Variants in LYN observed in about 807,000 individuals in gnomAD.
LYN encodes LYN proto-oncogene, Src family tyrosine kinase, also known as tyrosine-protein kinase Lyn.
In LYN, 12 loss-of-function variants were observed where a neutral mutation model predicts 65.0. The ratio of observed to expected loss-of-function variants is 0.18; its 90% CI spans 0.12 to 0.30. The LOEUF (loss-of-function observed/expected upper bound fraction) is 0.30, where lower values mean the gene tolerates loss of function less well. Ranked by LOEUF, LYN falls within the 10% of genes least tolerant of loss-of-function variation. The pLI, the probability that LYN is intolerant of heterozygous loss-of-function variation, is 1.00. For missense variants in LYN, 380 were observed against 623.2 expected (o/e 0.61, Z 4.16); for synonymous variants, 222 against 221.2 (o/e 1.00, Z -0.03).
chr8:55,939,323 C>A (rs1332885146), intron 1 of LYN, among the ~76,000 whole-genome samples: 1 of 152,114 alleles, frequency 6.6e-6, no homozygotes, highest in Non-Finnish European at 1.5e-5. Context: ...TGCATACATT[C>A]GATGTTAAAT....
chr8:55,882,083 T>TA (rs1804666711), intron 1 of LYN, among the ~76,000 whole-genome samples: 2 of 152,184 alleles, frequency 1.3e-5, no homozygotes, highest in Admixed American at 1.3e-4. Context: ...AGCACTGAGT[T>TA]ACCCACATTT....
intron 8 of LYN, among the ~76,000 whole-genome samples, chr8:55,965,325 T>C (rs1384584673): frequency 6.6e-6 from 1 of 152,068 alleles, no homozygotes; most frequent in Non-Finnish European, 1.5e-5. Context: ...TGCAGGCTTT[T>C]CCCCTGAAGG....
intron 1 of LYN, among the ~76,000 whole-genome samples, chr8:55,937,819 C>T (rs1806479332): frequency 6.6e-6 from 1 of 152,184 alleles, no homozygotes; most frequent in Non-Finnish European, 1.5e-5. Flanking sequence ...CCTCAGGCTC[C>T]TGAGAAGCTG....
intron 12 of LYN, among the ~76,000 whole-genome samples, chr8:56,003,964 C>T (rs1428211434): frequency 2.6e-5 from 3 of 113,650 alleles, no homozygotes; most frequent in African/African-American, 9.6e-5. Flanking sequence ...TGGAGTTTCA[C>T]TCTTGTTGCC....
At chr8:55,998,225 A>T in intron 10 of LYN, 121 bp from the exon 11 acceptor site, 1 of 672,484 alleles carries the variant, frequency 1.5e-6, no homozygotes, top group Non-Finnish European at 2.5e-6. Flanking sequence ...TTAAAAGCTG[A>T]ATGATCAAAA....
At chr8:55,919,988 A>G (rs73682127) in intron 1 of LYN, among the ~76,000 whole-genome samples, 5,595 of 152,322 alleles carry the variant, frequency 0.037, 103 homozygotes, top group African/African-American at 0.051. Context: ...ACATGGCTTG[A>G]GGCTGAAAAA....
chr8:55,961,409 C>T (rs1807269162), intron 8 of LYN, among the ~76,000 whole-genome samples: 1 of 152,090 alleles, frequency 6.6e-6, no homozygotes, highest in Non-Finnish European at 1.5e-5. Context: ...ATGATTTGAT[C>T]CTTAGCACTG....
At chr8:55,894,980 G>A (rs917455639) in intron 1 of LYN, among the ~76,000 whole-genome samples, 3 of 151,902 alleles carry the variant, frequency 2.0e-5, no homozygotes, top group Non-Finnish European at 2.9e-5. Flanking sequence ...ACAGTGCCAA[G>A]CCTAAAATTT....
chr8:55,998,633 TTGTC>T (rs1264228535), intron 11 of LYN, 134 bp downstream of exon 11: 3 of 744,210 alleles, frequency 4.0e-6, no homozygotes, highest in Non-Finnish European at 4.4e-6. Context: ...TGTACCATAA[TTGTC>T]TGCTTATGGT....
chr8:55,973,101 T>G (rs76845238), intron 10 of LYN, among the ~76,000 whole-genome samples: 1 of 152,258 alleles, frequency 6.6e-6, no homozygotes, highest in Non-Finnish European at 1.5e-5. Context: ...GAGTTGGGAC[T>G]TTTCCCACCA....
Position 55,929,528 on chromosome 8 carries a change from C to T in LYN, c.-5-12327C>T, listed in dbSNP as rs532303396. ...TGAATGAGTAAGAAAGCATATTTTGCCCCAATCTGTAACAGAAAATATCAA... is the reference window on the plus strand; with the variant it reads ...TGAATGAGTAAGAAAGCATATTTTGTCCCAATCTGTAACAGAAAATATCAA... On this transcript the variant is annotated intron_variant, in intron 1 of 12. Coordinates refer to ENST00000519728, the MANE Select transcript of LYN (RefSeq NM_002350.4). Among the ~76,000 whole-genome samples the T allele has an allele frequency of 3.3e-5, 5 of 152,230 alleles. 1 individual carries two copies. Among genetic ancestry groups the T allele is most frequent in the African/African-American group, 1.2e-4 (5 of 41,542 alleles).
intron 1 of LYN, among the ~76,000 whole-genome samples, chr8:55,933,954 G>A (rs575562162): frequency 9.6e-4 from 146 of 152,288 alleles, no homozygotes; most frequent in Middle Eastern, 3.4e-3. Flanking sequence ...TTGGCCAGGC[G>A]CAGTGGCTCA....
chr8:55,880,296 C>A (rs1385997671), intron 1 of LYN, among the ~76,000 whole-genome samples, 193 bp downstream of exon 1: 1 of 151,926 alleles, frequency 6.6e-6, no homozygotes, highest in Non-Finnish European at 1.5e-5. Context: ...ATGTCTTCAG[C>A]CGACGGGTGA....
intron 6 of LYN, among the ~76,000 whole-genome samples, chr8:55,951,014 G>A (rs755581287): frequency 7.9e-5 from 12 of 151,554 alleles, no homozygotes; most frequent in East Asian, 5.9e-4. Context: ...AGGCTGAGGC[G>A]AGAGGATCAC....
intron 10 of LYN, among the ~76,000 whole-genome samples, chr8:55,982,409 T>G (rs570809505): frequency 1.3e-5 from 2 of 152,334 alleles, no homozygotes; most frequent in South Asian, 4.1e-4. Flanking sequence ...TTTGGGTTTT[T>G]GGATTAGGTA....
intron 8 of LYN, among the ~76,000 whole-genome samples, chr8:55,964,743 A>G (rs966381144): frequency 2.6e-5 from 4 of 152,208 alleles, no homozygotes; most frequent in Non-Finnish European, 5.9e-5. Context: ...AGAAAAGAGT[A>G]CATACTCATT....
chr8:55,973,746 T>C (rs1048986093), intron 10 of LYN, among the ~76,000 whole-genome samples: 3 of 152,192 alleles, frequency 2.0e-5, no homozygotes, highest in African/African-American at 7.2e-5. Context: ...CAAAAATTAC[T>C]AAAAATGGAA....
intron 10 of LYN, among the ~76,000 whole-genome samples, chr8:55,988,066 A>T (rs1484698772): frequency 6.6e-6 from 1 of 152,206 alleles, no homozygotes; most frequent in African/African-American, 2.4e-5. Context: ...AGAAATTTTG[A>T]TCCCAAAAAA....
At chr8:55,957,661 G>A (rs888909888) in intron 8 of LYN, among the ~76,000 whole-genome samples, 2 of 152,182 alleles carry the variant, frequency 1.3e-5, no homozygotes, top group Non-Finnish European at 2.9e-5. Context: ...TGCAGTTGTT[G>A]GCAGGGCACG....
Sources: gnomAD v4.1 joint callset for allele counts (sites outside exome capture counted in the v4.1 genomes callset) on GRCh38, gnomAD v4.1.1 for gene constraint, MANE v1.5 for transcripts, NCBI Gene and HGNC (gene_info 2026-07-23, HGNC 2026-07-21) for gene names.